Variants in SND1 observed in about 807,000 individuals in gnomAD.
SND1 encodes the protein staphylococcal nuclease domain-containing protein 1.
In SND1, 38 loss-of-function variants were observed where a neutral mutation model predicts 121.7. The observed-to-expected ratio is 0.31, with a 90% CI of 0.24 to 0.41. The LOEUF is 0.41. Ranked by LOEUF, SND1 falls within the 10% of genes least tolerant of loss-of-function variation. The pLI is 1.00. For synonymous variants in SND1, 401 were observed against 447.4 expected (o/e 0.90, Z 1.31); for missense variants, 868 against 1,184.6 (o/e 0.73, Z 3.92).
intron 12 of SND1, among the ~76,000 whole-genome samples, chr7:127,873,420 C>G (rs1799633402): frequency 6.6e-6 from 1 of 152,078 alleles, no homozygotes. Context: ...TGCCCAACCA[C>G]CCACCTTAGA....
intron 10 of SND1, among the ~76,000 whole-genome samples, chr7:127,776,711 T>C (rs954512131): frequency 1.3e-5 from 2 of 152,194 alleles, no homozygotes; most frequent in Non-Finnish European, 2.9e-5. Flanking sequence ...AGTTACTGTG[T>C]CACTTAGACA....
At chr7:128,061,459 G>A (rs1793229736) in intron 16 of SND1, among the ~76,000 whole-genome samples, 1 of 152,224 alleles carries the variant, frequency 6.6e-6, no homozygotes, top group East Asian at 1.9e-4. Flanking sequence ...GTGGGGTCAA[G>A]ATGCCCGGGC....
intron 16 of SND1, among the ~76,000 whole-genome samples, chr7:128,002,312 C>T (rs902602700): frequency 1.3e-5 from 2 of 152,180 alleles, no homozygotes; most frequent in African/African-American, 4.8e-5. Flanking sequence ...TCTAAGTTTG[C>T]AAAGGATTAT....
At chr7:127,687,832 T>C (rs1336052903) in intron 2 of SND1, among the ~76,000 whole-genome samples, 1 of 152,134 alleles carries the variant, frequency 6.6e-6, no homozygotes, top group East Asian at 1.9e-4. Context: ...ACTACAGGCA[T>C]GTGCTATCAT....
chr7:127,780,846 A>G (rs1328066412), intron 10 of SND1, among the ~76,000 whole-genome samples: 2 of 152,236 alleles, frequency 1.3e-5, no homozygotes, highest in African/African-American at 4.8e-5. Flanking sequence ...TTCACAGTGC[A>G]CTGGGGATTT....
Position 127,917,523 on chromosome 7 carries a change from C to T in SND1, c.1528-11665C>T, listed in dbSNP as rs114256660. Among the ~76,000 whole-genome samples, 903 of 152,074 alleles carry T rather than the reference C, an allele frequency of 5.9e-3. 16 individuals are homozygous for T. Among genetic ancestry groups the T allele is most frequent in the African/African-American group, 0.021 (856 of 41,486 alleles). ...TACCCATTGTCCACACTCTTTTTTG[C>T]GCGGGTAGCTGTGACTTCAGGCACA... On this transcript the variant is annotated intron_variant, in intron 14 of 23. Transcript: ENST00000354725.
intron 1 of SND1, among the ~76,000 whole-genome samples, chr7:127,674,925 G>C (rs1241537247): frequency 6.6e-6 from 1 of 152,172 alleles, no homozygotes; most frequent in Non-Finnish European, 1.5e-5. Context: ...ATTTTGGCCG[G>C]GTGCAGTGGC....
intron 12 of SND1, among the ~76,000 whole-genome samples, chr7:127,882,360 A>C (rs1208222457): frequency 7.3e-6 from 1 of 137,378 alleles, no homozygotes; most frequent in Non-Finnish European, 1.6e-5. Context: ...GAGGGGAAGG[A>C]AGGCAGGCAG....
chr7:127,656,302 T>A (rs529896920), intron 1 of SND1, among the ~76,000 whole-genome samples: 3 of 151,848 alleles, frequency 2.0e-5, no homozygotes, highest in Non-Finnish European at 4.4e-5. Flanking sequence ...TTTCTTTCTT[T>A]TTCTTTTTCT....
intron 16 of SND1, among the ~76,000 whole-genome samples, chr7:128,040,812 C>T (rs912391333): frequency 6.6e-6 from 1 of 152,248 alleles, no homozygotes; most frequent in Admixed American, 6.5e-5. Context: ...GCTGCCTCCT[C>T]TCTACCAGCT....
chr7:127,847,195 C>T (rs1028524602), intron 12 of SND1, among the ~76,000 whole-genome samples: 27 of 152,112 alleles, frequency 1.8e-4, no homozygotes, highest in African/African-American at 5.3e-4. Context: ...TTGCTTGAAC[C>T]CCGGAGGCGG....
intron 10 of SND1, among the ~76,000 whole-genome samples, chr7:127,744,246 T>C (rs778877153): frequency 1.3e-5 from 2 of 152,148 alleles, no homozygotes; most frequent in Non-Finnish European, 2.9e-5. Flanking sequence ...TTTTAATTTT[T>C]TTCCCCCCCG....
At chr7:128,043,865 C>T (rs201773436) in intron 16 of SND1, among the ~76,000 whole-genome samples, 44 of 3,798 alleles carry the variant, frequency 0.012, no homozygotes, top group African/African-American at 0.032. Context: ...TACACATATA[C>T]ACACACACAC....
chr7:127,696,880 T>C (rs1796014593), intron 3 of SND1, among the ~76,000 whole-genome samples: 1 of 152,234 alleles, frequency 6.6e-6, no homozygotes, highest in Admixed American at 6.5e-5. Context: ...AAATATGTAC[T>C]TAAAGAATGG....
At chr7:128,013,028 A>T (rs867241796) in intron 16 of SND1, among the ~76,000 whole-genome samples, 8 of 151,980 alleles carry the variant, frequency 5.3e-5, no homozygotes, top group East Asian at 1.9e-4. Flanking sequence ...ACCTCTGTAG[A>T]AGGGCCTGGC....
At chr7:127,733,032 A>G (rs922211993) in intron 10 of SND1, among the ~76,000 whole-genome samples, 4 of 152,168 alleles carry the variant, frequency 2.6e-5, no homozygotes, top group Non-Finnish European at 4.4e-5. Context: ...CTGTGGTTCA[A>G]GATACTTTTT....
intron 10 of SND1, among the ~76,000 whole-genome samples, chr7:127,768,419 G>A (rs1398464129): frequency 1.3e-5 from 2 of 152,194 alleles, no homozygotes; most frequent in Non-Finnish European, 2.9e-5. Flanking sequence ...TGTTATGTAA[G>A]TTCATAATTT....
intron 16 of SND1, among the ~76,000 whole-genome samples, chr7:128,058,775 C>G (rs982937709): frequency 2.0e-5 from 3 of 152,118 alleles, no homozygotes; most frequent in Admixed American, 2.0e-4. Context: ...TGTCATTCTC[C>G]CAGCCATCAC....
At chr7:127,753,501 A>T (rs1035197838) in intron 10 of SND1, among the ~76,000 whole-genome samples, 2 of 151,818 alleles carry the variant, frequency 1.3e-5, no homozygotes, top group Non-Finnish European at 2.9e-5. Flanking sequence ...GCCACCAAAG[A>T]TGAAATGCCA....
Sources: gnomAD v4.1 joint callset for allele counts (sites outside exome capture counted in the v4.1 genomes callset) on GRCh38, gnomAD v4.1.1 for gene constraint, MANE v1.5 for transcripts, NCBI Gene and HGNC (gene_info 2026-07-23, HGNC 2026-07-21) for gene names.